The following LTBP1 variants were observed in gnomAD, a reference collection of about 807,000 sequenced individuals.
LTBP1 encodes latent-transforming growth factor beta-binding protein 1.
A neutral mutation model predicts 207.6 loss-of-function variants in LTBP1; 129 were observed. The observed-to-expected ratio is 0.62, with a 90% confidence interval of 0.54 to 0.72. LTBP1 has a LOEUF of 0.72. Ranked by LOEUF, LTBP1 falls within the 30% of genes least tolerant of loss-of-function variation. The pLI, the probability that LTBP1 is intolerant of heterozygous loss-of-function variation, is 0.00. For missense variants in LTBP1, 2,281 were observed against 2,217.2 expected (o/e 1.03, Z -0.58); for synonymous variants, 963 against 833.7 (o/e 1.16, Z -2.67).
At chr2:33,259,055 G>A (rs2092940732) in intron 12 of LTBP1, among the ~76,000 whole-genome samples, 1 of 152,100 alleles carries the variant, frequency 6.6e-6, no homozygotes. Context: ...TCGTAATTTA[G>A]TTAGCATATC....
At chr2:33,093,069 T>C (rs1558627078) in intron 3 of LTBP1, among the ~76,000 whole-genome samples, 1 of 152,118 alleles carries the variant, frequency 6.6e-6, no homozygotes, top group Non-Finnish European at 1.5e-5. Context: ...GAGCATCCAC[T>C]CTATTAGAAG....
intron 5 of LTBP1, among the ~76,000 whole-genome samples, chr2:33,175,326 A>G (rs1167641460): frequency 1.3e-5 from 2 of 152,208 alleles, no homozygotes; most frequent in Non-Finnish European, 2.9e-5. Flanking sequence ...AAACAACCCC[A>G]TCAAAAAGTG....
rs990172810 is a variant in LTBP1, at chr2:33,217,489, G to A, written c.1702-63G>A. 2.7e-6 allele frequency: 3 copies of A among 1,131,110 alleles called. No homozygotes were observed. In the African/African-American group the frequency reaches 4.6e-5, roughly 17 times the overall value. 70.1% of individuals were successfully genotyped at this position (1,131,110 alleles called of 1,614,324 possible). A position where few individuals can be genotyped will look rare whatever the true frequency, so the allele number is the denominator to read the frequency against. On this transcript the variant is annotated intron_variant, in intron 7 of 33. Coordinates refer to ENST00000404816, the MANE Select transcript of LTBP1 (RefSeq NM_206943.4). ...TATAGCGTGGCTGTGAGGGACAGCA[G>A]TGCTCTGGGGCTGGGCATCCTGCAC...
chr2:33,248,330 TA>T (rs1339846057), intron 10 of LTBP1, among the ~76,000 whole-genome samples: 3 of 152,194 alleles, frequency 2.0e-5, no homozygotes, highest in Admixed American at 2.0e-4. Flanking sequence ...ATGAAGGAAT[TA>T]AGGCATAGAG....
At chr2:33,040,873 A>G (rs1444380831) in intron 3 of LTBP1, among the ~76,000 whole-genome samples, 1 of 152,104 alleles carries the variant, frequency 6.6e-6, no homozygotes, top group East Asian at 1.9e-4. Flanking sequence ...TGGGATGATA[A>G]TGACACCTGG....
intron 5 of LTBP1, among the ~76,000 whole-genome samples, chr2:33,156,417 C>T (rs2083977016): frequency 6.6e-6 from 1 of 152,122 alleles, no homozygotes; most frequent in South Asian, 2.1e-4. Flanking sequence ...TACTTTCTTC[C>T]ATCGCATCTG....
At chr2:33,258,951 C>G (rs1645812088) in intron 12 of LTBP1, among the ~76,000 whole-genome samples, 2 of 152,332 alleles carry the variant, frequency 1.3e-5, no homozygotes, top group East Asian at 3.9e-4. Context: ...CACCAACACC[C>G]TCACAATAAC....
intron 7 of LTBP1, among the ~76,000 whole-genome samples, chr2:33,193,348 C>T (rs988151734): frequency 9.9e-5 from 15 of 152,044 alleles, no homozygotes; most frequent in African/African-American, 3.6e-4. Context: ...CACCATGTTG[C>T]CCAGGCTGGT....
intron 3 of LTBP1, among the ~76,000 whole-genome samples, chr2:33,058,245 A>T (rs768013914): frequency 8.9e-4 from 136 of 152,244 alleles, no homozygotes; most frequent in Non-Finnish European, 1.7e-3. Flanking sequence ...GAGTAATAGA[A>T]TTATGTTAGC....
At chr2:33,016,026 A>T (rs1688327542) in intron 2 of LTBP1, among the ~76,000 whole-genome samples, 1 of 152,094 alleles carries the variant, frequency 6.6e-6, no homozygotes, top group Admixed American at 6.5e-5. Context: ...TTATAATTCA[A>T]CAGGAGATTT....
Position 33,038,571 on chromosome 2 carries a change from T to G in LTBP1, c.863+17365T>G, listed in dbSNP as rs371856112. Among the ~76,000 whole-genome samples, 13 of 152,372 alleles carry G rather than the reference T, an allele frequency of 8.5e-5. No individual in the cohort carries two copies. The South Asian group carries it at 2.1e-3, about 24-fold the overall frequency. ...TGACATCTCAGCCATATTTTATATT[T>G]TGTCCAGCAATCTTAGTTGTTTTAT... On this transcript the variant is annotated intron_variant, in intron 3 of 33. Transcript: ENST00000404816.
intron 26 of LTBP1, among the ~76,000 whole-genome samples, chr2:33,358,781 T>G (rs932248552): frequency 6.6e-6 from 1 of 152,210 alleles, no homozygotes; most frequent in African/African-American, 2.4e-5. Flanking sequence ...TGACAATTTA[T>G]TCACCATGTT....
At chr2:33,280,708 C>T (rs1241878238) in intron 19 of LTBP1, among the ~76,000 whole-genome samples, 1 of 152,184 alleles carries the variant, frequency 6.6e-6, no homozygotes, top group African/African-American at 2.4e-5. Flanking sequence ...CATACCAAAA[C>T]TCTGAATATG....
At chr2:33,188,240 G>T (rs913900583) in intron 6 of LTBP1, among the ~76,000 whole-genome samples, 8 of 151,958 alleles carry the variant, frequency 5.3e-5, no homozygotes, top group African/African-American at 1.9e-4. Flanking sequence ...GGCCAACGTG[G>T]TGAAACCCCG....
At chr2:33,336,960 A>G (rs2094560262) in intron 24 of LTBP1, among the ~76,000 whole-genome samples, 1 of 152,238 alleles carries the variant, frequency 6.6e-6, no homozygotes, top group African/African-American at 2.4e-5. Context: ...CAAGACACCT[A>G]ATGGAACCAT....
rs1306971429 is a variant in LTBP1, at chr2:33,339,650, C to CG, written c.3731-3188_3731-3187insG. On this transcript the variant is annotated intron_variant, in intron 24 of 33. Coordinates refer to ENST00000404816, the MANE Select transcript of LTBP1 (RefSeq NM_206943.4). ...ACTGGAAATAATTTCATTGATTTGT[C>CG]CTTTTTTTTTTTGAGACGGAGTTTC... 7.9e-5 allele frequency among the ~76,000 whole-genome samples: 12 copies of CG among 151,540 alleles called. No individual in the cohort carries two copies. In the South Asian group the frequency reaches 8.4e-4, roughly 11 times the overall value.
chr2:32,955,977 A>G (rs937273969), intron 2 of LTBP1, among the ~76,000 whole-genome samples: 1 of 152,204 alleles, frequency 6.6e-6, no homozygotes, highest in Non-Finnish European at 1.5e-5. Context: ...TTCCCAGTAC[A>G]TGTAAAACTC....
At position 33,227,799 on chromosome 2, in the gene LTBP1, C is replaced by CTT. The variant is rs10548945; in HGVS notation, c.1876+5673_1876+5674dup. Among the ~76,000 whole-genome samples, 17 of 53,390 alleles carry CTT rather than the reference C, an allele frequency of 3.2e-4. 1 individual carries two copies. The highest frequency in any genetic ancestry group is 1.4e-3 in the East Asian group (2 of 1,464). The allele number at this position is 53,390 out of a possible 152,430, so 35.0% of individuals were successfully genotyped here. ...TTTGTTATTGATGAGATAAGAAGCTCTTTTTTTTTTTTTTTTTTTTTTTTT... is the reference window on the plus strand; with the variant it reads ...TTTGTTATTGATGAGATAAGAAGCTCTTTTTTTTTTTTTTTTTTTTTTTTTTT... On this transcript the variant is annotated intron_variant, in intron 9 of 33. Coordinates refer to ENST00000404816, the MANE Select transcript of LTBP1 (RefSeq NM_206943.4).
At chr2:33,092,161 G>T (rs1049084534) in intron 3 of LTBP1, among the ~76,000 whole-genome samples, 2 of 151,838 alleles carry the variant, frequency 1.3e-5, no homozygotes, top group Non-Finnish European at 2.9e-5. Context: ...ACCTTGTGCT[G>T]TGCGTGCACG....
Sources: gnomAD v4.1 joint callset for allele counts (sites outside exome capture counted in the v4.1 genomes callset) on GRCh38, gnomAD v4.1.1 for gene constraint, MANE v1.5 for transcripts, NCBI Gene and HGNC (gene_info 2026-07-23, HGNC 2026-07-21) for gene names.